Variants in IPPK observed in about 807,000 individuals in gnomAD.
IPPK encodes the protein inositol-pentakisphosphate 2-kinase.
In IPPK, 22 loss-of-function variants were observed where a neutral mutation model predicts 64.6. That is an observed-to-expected ratio of 0.34 (90% CI 0.24 to 0.49). The LOEUF (loss-of-function observed/expected upper bound fraction) is 0.49. IPPK is among the 20% of genes least tolerant of loss of function. The pLI is 0.99. For synonymous variants in IPPK, 262 were observed against 247.2 expected (o/e 1.06, Z -0.56); for missense variants, 532 against 630.7 (o/e 0.84, Z 1.68).
intron 11 of IPPK, among the ~76,000 whole-genome samples, chr9:92,622,552 G>T (rs1026706153): frequency 6.6e-6 from 1 of 151,844 alleles, no homozygotes; most frequent in Non-Finnish European, 1.5e-5. Flanking sequence ...ATCAAATATC[G>T]TGAAATTAAT....
At chr9:92,643,911 C>G (rs970620699) in intron 6 of IPPK, among the ~76,000 whole-genome samples, 1 of 152,196 alleles carries the variant, frequency 6.6e-6, no homozygotes, top group Non-Finnish European at 1.5e-5. Context: ...GGCAGGTAAT[C>G]CAATTCATGC....
At chr9:92,652,672 A>G in intron 3 of IPPK, 33 bp from the exon 4 acceptor site, 1 of 1,281,488 alleles carries the variant, frequency 7.8e-7, no homozygotes, top group Non-Finnish European at 1.1e-6. Flanking sequence ...CTCAGTGTGA[A>G]TTGCACAATG....
chr9:92,650,782 G>A (rs893761715), intron 4 of IPPK, among the ~76,000 whole-genome samples: 1 of 152,256 alleles, frequency 6.6e-6, no homozygotes, highest in Non-Finnish European at 1.5e-5. Context: ...TTGAAGAGGA[G>A]GGGGCTGCAG....
chr9:92,622,583 AC>A (rs1242062655), intron 11 of IPPK, among the ~76,000 whole-genome samples: 19 of 151,494 alleles, frequency 1.3e-4, no homozygotes, highest in Non-Finnish European at 2.5e-4. Flanking sequence ...TCTGAAGAGA[AC>A]CATAAAACAT....
chr9:92,659,733 G>A (rs1178736817), intron 1 of IPPK, among the ~76,000 whole-genome samples: 1 of 152,012 alleles, frequency 6.6e-6, no homozygotes, highest in African/African-American at 2.4e-5. Context: ...GATGCCTAAG[G>A]AGCAACAAAG....
intron 11 of IPPK, among the ~76,000 whole-genome samples, chr9:92,631,916 C>CA (rs766174869): frequency 1.3e-5 from 2 of 152,206 alleles, no homozygotes; most frequent in Non-Finnish European, 2.9e-5. Flanking sequence ...TCCTCCTTGC[C>CA]AACCCCTGGC....
In IPPK at chr9:92,613,320, C is replaced by A; in HGVS notation, c.*2512G>T. On this transcript the variant is annotated 3_prime_UTR_variant, in exon 13 of 13. Coordinates refer to ENST00000287996, the MANE Select transcript of IPPK (RefSeq NM_022755.6). ...CTCATGACATGAAAAATAAATACAA[C>A]TAGTTAAGTATAAAATGCCAAATAA... 1 of 675,626 alleles carries A rather than the reference C, an allele frequency of 1.5e-6. No individual in the cohort carries two copies. Among genetic ancestry groups the A allele is most frequent in the Non-Finnish European group, 2.5e-6 (1 of 407,770 alleles). 41.9% of individuals were successfully genotyped at this position (675,626 alleles called of 1,614,324 possible). A position where few individuals can be genotyped will look rare whatever the true frequency, so the allele number is the denominator to read the frequency against.
chr9:92,635,391 G>A lies in IPPK; in HGVS notation c.917-83C>T. On this transcript the variant is annotated intron_variant, in intron 9 of 12. Coordinates refer to ENST00000287996, the MANE Select transcript of IPPK (RefSeq NM_022755.6). This position sits in a 1 kb window ranked among gnomAD's most constrained non-coding sequence, Gnocchi z 4.4. Reference sequence around the variant, plus strand: ...AGACACAGGCCGGCGCAGACCGCAGGGCTCATCCTGGGCTCCGCCATACGG... The same window carrying A: ...AGACACAGGCCGGCGCAGACCGCAGAGCTCATCCTGGGCTCCGCCATACGG... 2 of 1,434,108 alleles carry A rather than the reference G, an allele frequency of 1.4e-6. No individual in the cohort carries two copies. The highest frequency in any genetic ancestry group is 1.9e-6 in the Non-Finnish European group (2 of 1,053,798). 88.8% of individuals were successfully genotyped at this position (1,434,108 alleles called of 1,614,324 possible).
intron 1 of IPPK, 142 bp from the exon 2 acceptor site, chr9:92,658,823 G>A: frequency 1.4e-6 from 1 of 722,306 alleles, no homozygotes; most frequent in Non-Finnish European, 2.3e-6. Flanking sequence ...CCCCAGGGCA[G>A]GGAGGCCAGG....
At chr9:92,648,265 C>T in intron 5 of IPPK, 117 bp from the exon 6 acceptor site, 1 of 746,498 alleles carries the variant, frequency 1.3e-6, no homozygotes, top group Non-Finnish European at 2.2e-6. Context: ...CATAAATGGC[C>T]CCAGAAGCTG....
chr9:92,658,746 G>T (rs1852424034), intron 1 of IPPK, 65 bp from the exon 2 acceptor site: 1 of 1,434,944 alleles, frequency 7.0e-7, no homozygotes, highest in Non-Finnish European at 9.8e-7. Context: ...GTGTCAGTCA[G>T]TTTGGGGGTC....
chr9:92,643,373 G>C (rs1402111738), intron 6 of IPPK, among the ~76,000 whole-genome samples: 1 of 152,136 alleles, frequency 6.6e-6, no homozygotes, highest in Non-Finnish European at 1.5e-5. Context: ...AGCAAACCCT[G>C]AAACCAAGAG....
At chr9:92,660,283 G>C (rs949920328) in intron 1 of IPPK, among the ~76,000 whole-genome samples, 1 of 152,180 alleles carries the variant, frequency 6.6e-6, no homozygotes, top group African/African-American at 2.4e-5. Flanking sequence ...CGATGTGTAA[G>C]TGTGACTGAG....
intron 1 of IPPK, among the ~76,000 whole-genome samples, chr9:92,667,055 G>A (rs907088650): frequency 2.0e-5 from 3 of 152,240 alleles, no homozygotes; most frequent in African/African-American, 4.8e-5. Context: ...GGCTGAAGGC[G>A]CATCATGTTC....
At chr9:92,641,342 C>T (rs569827465) in intron 7 of IPPK, among the ~76,000 whole-genome samples, 5 of 152,310 alleles carry the variant, frequency 3.3e-5, no homozygotes, top group South Asian at 2.1e-4. Context: ...TGCAAGCACA[C>T]GAGCCTGACC....
chr9:92,615,527 G>C lies in IPPK; in HGVS notation c.*305C>G, dbSNP rs959089361. ...TTAGAATAAGGCTTTTCGCATTAGA[G>C]AATCAGACATGAGCCCTGGTTGGGA... On this transcript the variant is annotated 3_prime_UTR_variant, in exon 13 of 13. Transcript: ENST00000287996. 3.8e-5 allele frequency: 12 copies of C among 315,630 alleles called. No homozygotes were observed. Among genetic ancestry groups the C allele is most frequent in the South Asian group, 8.0e-5 (2 of 25,028 alleles). 19.6% of individuals were successfully genotyped at this position (315,630 alleles called of 1,614,324 possible).
At chr9:92,631,756 G>A (rs745752874) in intron 11 of IPPK, among the ~76,000 whole-genome samples, 2 of 152,302 alleles carry the variant, frequency 1.3e-5, no homozygotes, top group South Asian at 2.1e-4. Flanking sequence ...CAGATATCTC[G>A]GGTTTTACAT....
rs1564022650 is a variant in IPPK at position 92,613,354 on chromosome 9, C to T, written c.*2478G>A. ...TATAAAATGCCAAATAAAAGTGACA[C>T]GTACAATGTGGTTTATAAAAATAAG... On this transcript the variant is annotated 3_prime_UTR_variant, in exon 13 of 13. Coordinates refer to ENST00000287996, the MANE Select transcript of IPPK (RefSeq NM_022755.6). 1.1e-5 allele frequency: 6 copies of T among 547,718 alleles called. No individual in the cohort carries two copies. The highest frequency in any genetic ancestry group is 4.3e-5 in the South Asian group (2 of 46,856). 33.9% of individuals were successfully genotyped at this position (547,718 alleles called of 1,614,324 possible).
intron 2 of IPPK, 57 bp downstream of exon 2, chr9:92,658,577 A>G: frequency 7.0e-7 from 1 of 1,425,688 alleles, no homozygotes; most frequent in East Asian, 2.3e-5. Flanking sequence ...CGGAAAAAAA[A>G]ATCAGAGTTT....
Sources: gnomAD v4.1 joint callset for allele counts (sites outside exome capture counted in the v4.1 genomes callset) on GRCh38, gnomAD v4.1.1 for gene constraint, Gnocchi (gnomAD v3.1) non-coding constraint, MANE v1.5 for transcripts, NCBI Gene and HGNC (gene_info 2026-07-23, HGNC 2026-07-21) for gene names.